The following SESN1 variants were observed in gnomAD, a reference collection of about 807,000 sequenced individuals.
The protein encoded by SESN1 is sestrin-1.
SESN1 carries 30 observed loss-of-function variants against 59.3 expected under a neutral mutation model. That is an observed-to-expected ratio of 0.51 (90% CI 0.38 to 0.69). SESN1 has a LOEUF of 0.69. Among genes scored for constraint, SESN1 ranks in the 30% least tolerant of loss-of-function variants. The pLI is 0.00. For synonymous variants in SESN1, 197 were observed against 219.9 expected, an observed-to-expected ratio of 0.90 and a Z score of 0.92; for missense variants, 566 against 673.0, an observed-to-expected ratio of 0.84 and a Z score of 1.76.
chr6:109,011,876 G>A (rs1010821138), intron 1 of SESN1, among the ~76,000 whole-genome samples: 30 of 152,068 alleles, frequency 2.0e-4, no homozygotes, highest in Admixed American at 4.6e-4. Context: ...CAATTTTCCC[G>A]CCTTTGCCTC....
Position 109,026,608 on chromosome 6 carries a change from G to A in SESN1, c.280-24265C>T, listed in dbSNP as rs1187082490. Among the ~76,000 whole-genome samples the A allele has an allele frequency of 2.6e-5, 4 of 152,086 alleles. No homozygotes were observed. The South Asian group carries it at 6.2e-4, about 24-fold the overall frequency. Reference sequence around the variant, plus strand: ...TCCGCCTCCCAGTTTCGGTTCAAGCGATTCTCCTGCCTCAGCCTCCCGAGT... The same window carrying A: ...TCCGCCTCCCAGTTTCGGTTCAAGCAATTCTCCTGCCTCAGCCTCCCGAGT... On this transcript the variant is annotated intron_variant, in intron 1 of 9. Transcript: ENST00000436639.
Position 109,002,462 on chromosome 6 carries a change from T to C in SESN1, c.280-119A>G. 5.4e-6 allele frequency: 4 copies of C among 737,306 alleles called. No homozygotes were observed. In the South Asian group the frequency reaches 6.3e-5, roughly 12 times the overall value. The allele number at this position is 737,306 out of a possible 1,614,324, so 45.7% of individuals were successfully genotyped here. ...GAGACAGGCTTGTTTTGATGGTTTG[T>C]TTTCATGGCTGTATATACATACCAA... On this transcript the variant is annotated intron_variant, in intron 1 of 9. Coordinates refer to ENST00000436639, the MANE Select transcript of SESN1 (RefSeq NM_014454.3).
Position 109,020,780 on chromosome 6 carries a change from AGTT to A in SESN1, c.280-18440_280-18438del, listed in dbSNP as rs574051700. Among the ~76,000 whole-genome samples, 160 of 152,332 alleles carry A rather than the reference AGTT, an allele frequency of 1.1e-3. 1 individual carries two copies. Among genetic ancestry groups the A allele is most frequent in the African/African-American group, 3.5e-3 (146 of 41,582 alleles). On this transcript the variant is annotated intron_variant, in intron 1 of 9. Coordinates refer to ENST00000436639, the MANE Select transcript of SESN1 (RefSeq NM_014454.3). ...AGACACAAAAACACTGTGAAACAAT[AGTT>A]AACAGTTTTCTTCATTTTGCTTCAG...
At chr6:109,033,674 A>G (rs1780214471) in intron 1 of SESN1, among the ~76,000 whole-genome samples, 1 of 152,196 alleles carries the variant, frequency 6.6e-6, no homozygotes. Flanking sequence ...GGGAGGGGCC[A>G]TAATTCATAG....
intron 1 of SESN1, among the ~76,000 whole-genome samples, chr6:109,034,871 A>G (rs1780229226): frequency 6.6e-6 from 1 of 152,228 alleles, no homozygotes; most frequent in Non-Finnish European, 1.5e-5. Flanking sequence ...GAGCTGCTAA[A>G]CCAGTCCTGC....
intron 1 of SESN1, among the ~76,000 whole-genome samples, chr6:109,052,887 AACTAC>A (rs1467844643): frequency 1.3e-5 from 2 of 152,210 alleles, no homozygotes; most frequent in Non-Finnish European, 2.9e-5. Flanking sequence ...GGATGAGCAA[AACTAC>A]ACAGCTGCTA....
chr6:109,042,341 AAAT>A (rs1020689771), intron 1 of SESN1, among the ~76,000 whole-genome samples: 19 of 152,102 alleles, frequency 1.2e-4, no homozygotes, highest in African/African-American at 4.6e-4. Flanking sequence ...AGACAGAAGA[AAAT>A]AATAAAGAAC....
Position 108,990,750 on chromosome 6 carries a change from A to G in SESN1, c.1319T>C (p.Ile440Thr). 2 of 1,614,124 alleles carry G rather than the reference A, an allele frequency of 1.2e-6. No individual in the cohort carries two copies. The highest frequency in any genetic ancestry group is 1.7e-6 in the Non-Finnish European group (2 of 1,179,992). ...TGTATTATAAGTAAGATTGTAAGCA[A>G]TGTGAAATTTTTCATCAATCAACTG... ...VGQLIDEKFH[I>T]AYNLTYNTMA... Residue 440 changes from isoleucine to threonine, a missense_variant, in exon 8 of 10, where the codon ATT becomes ACT. By Grantham distance (89) the Ile-to-Thr change is moderately conservative. Transcript: ENST00000436639.
At chr6:108,990,031 CAG>C (rs1779333585) in intron 8 of SESN1, among the ~76,000 whole-genome samples, 1 of 152,130 alleles carries the variant, frequency 6.6e-6, no homozygotes, top group African/African-American at 2.4e-5. Context: ...AGGTTTTGAC[CAG>C]AGTCTCTGAT....
At position 109,062,924 on chromosome 6, in the gene SESN1, A is replaced by G. The variant is rs77163443; in HGVS notation, c.279+30871T>C. Among the ~76,000 whole-genome samples, 548 of 152,290 alleles carry G rather than the reference A, an allele frequency of 3.6e-3. 6 individuals are homozygous for G. Among genetic ancestry groups the G allele is most frequent in the African/African-American group, 0.012 (509 of 41,550 alleles). ...TACCTCATTATACTGTACTGTTGGT[A>G]AGTGAAAGTGAGGAAAGTGAAACCA... On this transcript the variant is annotated intron_variant, in intron 1 of 9. Coordinates refer to ENST00000436639, the MANE Select transcript of SESN1 (RefSeq NM_014454.3).
At chr6:109,006,244 A>G (rs1055531348) in intron 1 of SESN1, among the ~76,000 whole-genome samples, 1 of 152,202 alleles carries the variant, frequency 6.6e-6, no homozygotes, top group Non-Finnish European at 1.5e-5. Context: ...TAATCTATGA[A>G]GCAGGTACTA....
intron 1 of SESN1, among the ~76,000 whole-genome samples, chr6:109,032,932 G>A (rs1780205560): frequency 6.6e-6 from 1 of 152,130 alleles, no homozygotes; most frequent in Admixed American, 6.5e-5. Context: ...AGAGCACAGT[G>A]CCTTGTAAGA....
intron 1 of SESN1, chr6:109,088,296 A>G (rs1562478146): frequency 6.6e-6 from 1 of 152,158 alleles, no homozygotes; most frequent in Non-Finnish European, 1.5e-5. Flanking sequence ...AGTTGAGCCA[A>G]TGAATCAATC....
chr6:109,076,972 A>AT (rs1369542817), intron 1 of SESN1, among the ~76,000 whole-genome samples: 2 of 152,232 alleles, frequency 1.3e-5, no homozygotes, highest in Non-Finnish European at 2.9e-5. Flanking sequence ...CTACACACCT[A>AT]GGCTTTATGG....
chr6:109,000,805 G>A (rs1779605630), intron 3 of SESN1, 132 bp from the exon 4 acceptor site: 1 of 665,556 alleles, frequency 1.5e-6, no homozygotes, highest in Non-Finnish European at 2.2e-6. Context: ...CTACAGAAAT[G>A]CAGTTTTTAT....
chr6:108,985,326 CA>C lies in SESN1; in HGVS notation c.*2217del, dbSNP rs568357753. 3.3e-5 allele frequency among the ~76,000 whole-genome samples: 5 copies of C among 152,200 alleles called. No homozygotes were observed. Among genetic ancestry groups the C allele is most frequent in the Admixed American group, 6.5e-5 (1 of 15,302 alleles). On this transcript the variant is annotated 3_prime_UTR_variant, in exon 10 of 10. Transcript: ENST00000436639. ...ACTCTTGAATCCTGGGACCCTCAAC[CA>C]GAAATCTTCTCATGATTATTTTAGA...
chr6:109,069,852 C>T (rs1780901187), intron 1 of SESN1, among the ~76,000 whole-genome samples: 1 of 152,028 alleles, frequency 6.6e-6, no homozygotes, highest in Admixed American at 6.6e-5. Context: ...GCCACTGCAC[C>T]CAGCCTCCAC....
At chr6:109,056,478 G>A (rs919115966) in intron 1 of SESN1, among the ~76,000 whole-genome samples, 7 of 152,134 alleles carry the variant, frequency 4.6e-5, no homozygotes, top group Non-Finnish European at 8.8e-5. Flanking sequence ...TTAACTCTAC[G>A]AACAGGCAAT....
At chr6:109,075,101 GA>G (rs1781010571) in intron 1 of SESN1, among the ~76,000 whole-genome samples, 2 of 152,092 alleles carry the variant, frequency 1.3e-5, no homozygotes, top group African/African-American at 2.4e-5. Flanking sequence ...GCAAAGGTAG[GA>G]AGAAGTCGAG....
Sources: allele counts gnomAD v4.1 joint callset (sites outside exome capture counted in the v4.1 genomes callset), GRCh38; gene constraint gnomAD v4.1.1; transcripts MANE v1.5; gene names NCBI Gene and HGNC (gene_info 2026-07-23, HGNC 2026-07-21).